The following UNC5A variants were observed in gnomAD, a reference collection of about 807,000 sequenced individuals.
UNC5A encodes unc-5 netrin receptor A, also known as netrin receptor UNC5A.
In UNC5A, 20 loss-of-function variants were observed where a neutral mutation model predicts 87.4. The observed-to-expected ratio is 0.23, with a 90% CI of 0.16 to 0.33. The LOEUF is 0.33. UNC5A is among the 10% of genes least tolerant of loss of function. UNC5A has a pLI of 1.00. For missense variants in UNC5A, 844 were observed against 1,133.4 expected, an observed-to-expected ratio of 0.74 and a Z score of 3.67; for synonymous variants, 438 against 482.3, an observed-to-expected ratio of 0.91 and a Z score of 1.20.
At position 176,878,252 on chromosome 5, in the gene UNC5A, G is replaced by A. The variant is rs199996459; in HGVS notation, c.1878G>A (p.Val626=). The A allele has an allele frequency of 2.3e-5, 37 of 1,611,590 alleles. No homozygotes were observed. Among genetic ancestry groups the A allele is most frequent in the East Asian group, 8.9e-5 (4 of 44,882 alleles). The change falls in exon 12 of 15, where the codon GTG becomes GTA. Residue 626 remains valine, a synonymous_variant. Transcript: ENST00000329542. Reference sequence around the variant, plus strand: ...CACCTGGGGCACTGCAGGAGGTGGTGCAGCTGGAGAAGCAGCTGGGGGGAC... The same window carrying A: ...CACCTGGGGCACTGCAGGAGGTGGTACAGCTGGAGAAGCAGCTGGGGGGAC... ...HDTHDALKEV[V]QLEKQLGGQL...
rs1265751117 is a variant in UNC5A at position 176,879,833 on chromosome 5, G to A, written c.2476G>A (p.Gly826Arg). ...NLSQLAAAVAGLGQPDAGLFT... is the reference protein window; with the variant it reads ...NLSQLAAAVARLGQPDAGLFT... Reference sequence around the variant, plus strand: ...CAGCCAGCTGGCTGCAGCAGTGGCTGGACTGGGCCAGCCAGACGCTGGCCT... The same window carrying A: ...CAGCCAGCTGGCTGCAGCAGTGGCTAGACTGGGCCAGCCAGACGCTGGCCT... Residue 826 changes from glycine (G) to arginine (R), a missense_variant, in exon 15 of 15, where the codon GGA becomes AGA. Around this residue, in one of 3 missense-constraint regions of UNC5A, gnomAD observed 177 missense variants for 279.4 expected, o/e 0.63. Coordinates refer to ENST00000329542, the MANE Select transcript of UNC5A (RefSeq NM_133369.3). 3 of 1,612,628 alleles carry A rather than the reference G, an allele frequency of 1.9e-6. No individual in the cohort carries two copies. Among genetic ancestry groups the A allele is most frequent in the African/African-American group, 2.7e-5 (2 of 75,032 alleles).
chr5:176,812,374 A>G (rs750944752), intron 1 of UNC5A, among the ~76,000 whole-genome samples: 20 of 152,188 alleles, frequency 1.3e-4, no homozygotes, highest in Non-Finnish European at 2.1e-4. Flanking sequence ...TCATAGCTGC[A>G]TGTCGCCCAC....
rs538892198 is a variant in UNC5A, at chr5:176,824,721, G to A, written c.70+13901G>A. On this transcript the variant is annotated intron_variant, in intron 1 of 14. Coordinates refer to ENST00000329542, the MANE Select transcript of UNC5A (RefSeq NM_133369.3). This position sits in a 1 kb window ranked among gnomAD's most constrained non-coding sequence, Gnocchi z 4.2. The stretch of plus-strand genomic sequence containing the variant: ...GCAGATGAACACCCCCTACTGCTAG[G>A]TGCCTCCATGCCCATGCACCCCCAG... Among the ~76,000 whole-genome samples the A allele has an allele frequency of 6.6e-6, 1 of 151,104 alleles. No homozygotes were observed. The highest frequency in any genetic ancestry group is 2.4e-5 in the African/African-American group (1 of 41,102).
intron 1 of UNC5A, among the ~76,000 whole-genome samples, chr5:176,834,822 T>A (rs1757113086): frequency 6.6e-6 from 1 of 152,182 alleles, no homozygotes; most frequent in East Asian, 1.9e-4. Flanking sequence ...TGTCTCCTGG[T>A]GCTAGGAGAT....
At position 176,877,974 on chromosome 5, in the gene UNC5A, C is replaced by T. The variant is rs375613382; in HGVS notation, c.1716C>T (p.Thr572=). 4.4e-5 allele frequency: 70 copies of T among 1,605,000 alleles called. No individual in the cohort carries two copies. The highest frequency in any genetic ancestry group is 9.3e-5 in the African/African-American group (7 of 74,926). The change falls in exon 11 of 15, where the codon ACC becomes ACT. Residue 572 remains threonine, a synonymous_variant. Coordinates refer to ENST00000329542, the MANE Select transcript of UNC5A (RefSeq NM_133369.3). ...QLEASACYVF[T]EQLGRFALVG... The stretch of plus-strand genomic sequence containing the variant: ...AGGCCAGTGCCTGCTACGTCTTCAC[C>T]GAGCAGCTGGGCCGCTTTGCCCTGG...
rs374986191 is a variant in UNC5A at position 176,879,706 on chromosome 5, C to G, written c.2364-15C>G. On this transcript the variant is annotated splice_polypyrimidine_tract_variant and intron_variant, in intron 14 of 14. Transcript: ENST00000329542. ...GGCCAGGCCAGGCTGCTGACGGCCCCCCTCCCCTCCACAGCCATCTCAGCT... is the reference window on the plus strand; with the variant it reads ...GGCCAGGCCAGGCTGCTGACGGCCCGCCTCCCCTCCACAGCCATCTCAGCT... 60 of 1,610,836 alleles carry G rather than the reference C, an allele frequency of 3.7e-5. No individual in the cohort carries two copies. In the African/African-American group the frequency reaches 7.3e-4, roughly 20 times the overall value.
intron 1 of UNC5A, among the ~76,000 whole-genome samples, chr5:176,819,186 C>G (rs1303367991): frequency 6.6e-6 from 1 of 152,092 alleles, no homozygotes; most frequent in Non-Finnish European, 1.5e-5. Flanking sequence ...TGAGCATTGC[C>G]CCAAGCCTGA....
At chr5:176,854,650 G>A (rs1205474793) in intron 1 of UNC5A, among the ~76,000 whole-genome samples, 1 of 152,228 alleles carries the variant, frequency 6.6e-6, no homozygotes, top group Non-Finnish European at 1.5e-5. Context: ...CTGGCTCCCA[G>A]CCAGATTTGA....
Position 176,869,354 on chromosome 5 carries a change from G to T in UNC5A, c.721+390G>T, listed in dbSNP as rs1030958236. 2.8e-4 allele frequency among the ~76,000 whole-genome samples: 43 copies of T among 152,244 alleles called. No homozygotes were observed. The highest frequency in any genetic ancestry group is 9.6e-4 in the African/African-American group (40 of 41,534). ...TCACCCCAGGAGAGGCTGGGGTCTG[G>T]GCTGCAGGAGTGTGTGAGCCGCGGT... On this transcript the variant is annotated intron_variant, in intron 5 of 14. Coordinates refer to ENST00000329542, the MANE Select transcript of UNC5A (RefSeq NM_133369.3). The surrounding 1 kb of genome is among the most constrained non-coding windows in gnomAD (Gnocchi z 9.1).
At position 176,868,630 on chromosome 5, in the gene UNC5A, C is replaced by T; in HGVS notation, c.506C>T (p.Pro169Leu). 1 of 1,605,744 alleles carries T rather than the reference C, an allele frequency of 6.2e-7. No homozygotes were observed. The highest frequency in any genetic ancestry group is 8.5e-7 in the Non-Finnish European group (1 of 1,176,846). Residue 169 changes from proline (P) to leucine (L), a missense_variant, in exon 4 of 15, where the codon CCC (proline) becomes CTC (leucine). Pro to Leu is a moderately conservative substitution (Grantham distance 98). Around this residue, in one of 3 missense-constraint regions of UNC5A, gnomAD observed 314 missense variants for 466.5 expected, o/e 0.67. Coordinates refer to ENST00000329542, the MANE Select transcript of UNC5A (RefSeq NM_133369.3). ...TCCCTGGAGCAGGGCATCGTGCTGC[C>T]CTGCCGTCCACCGGAGGGCATCCCT... ...EVSLEQGIVL[P>L]CRPPEGIPPA...
intron 1 of UNC5A, among the ~76,000 whole-genome samples, chr5:176,829,945 G>C (rs1756959476): frequency 7.5e-6 from 1 of 133,170 alleles, no homozygotes; most frequent in Non-Finnish European, 1.6e-5. Flanking sequence ...CGTGATCTCG[G>C]CTCACTGCAA....
chr5:176,818,104 C>T (rs902245690), intron 1 of UNC5A, among the ~76,000 whole-genome samples: 1 of 152,198 alleles, frequency 6.6e-6, no homozygotes, highest in Non-Finnish European at 1.5e-5. Flanking sequence ...CCAGCTGCAG[C>T]CCCTGCCCCT....
rs536191345 is a variant in UNC5A at position 176,825,970 on chromosome 5, A to G, written c.70+15150A>G. 2.6e-5 allele frequency among the ~76,000 whole-genome samples: 4 copies of G among 152,372 alleles called. No homozygotes were observed. The East Asian group carries it at 7.7e-4, about 29-fold the overall frequency. ...TGCTGGGTAGCCAGTGAGACAGGAC[A>G]GTCCTGGAAGAGGTGACACTTGAAC... On this transcript the variant is annotated intron_variant, in intron 1 of 14. Transcript: ENST00000329542.
intron 2 of UNC5A, among the ~76,000 whole-genome samples, chr5:176,864,288 C>T (rs1424525908): frequency 1.3e-5 from 2 of 152,158 alleles, no homozygotes; most frequent in Admixed American, 6.5e-5. Flanking sequence ...GGGTATGGAG[C>T]GAGAGCGAAC....
At chr5:176,834,125 G>A (rs552782413) in intron 1 of UNC5A, among the ~76,000 whole-genome samples, 7 of 152,350 alleles carry the variant, frequency 4.6e-5, no homozygotes, top group African/African-American at 1.7e-4. Flanking sequence ...GCGGAGCTGT[G>A]TGTGTGACCT....
At chr5:176,811,502 C>T (rs1756453505) in intron 1 of UNC5A, among the ~76,000 whole-genome samples, 1 of 152,236 alleles carries the variant, frequency 6.6e-6, no homozygotes, top group Non-Finnish European at 1.5e-5. Context: ...CCGCCAGTTT[C>T]CCCTTCTTCC....
At chr5:176,840,083 C>T (rs1757239337) in intron 1 of UNC5A, among the ~76,000 whole-genome samples, 1 of 152,118 alleles carries the variant, frequency 6.6e-6, no homozygotes, top group South Asian at 2.1e-4. Flanking sequence ...TCTTGAACTC[C>T]TGACCTCAAG....
intron 1 of UNC5A, among the ~76,000 whole-genome samples, chr5:176,822,499 C>A (rs911153962): frequency 2.0e-5 from 3 of 152,182 alleles, no homozygotes; most frequent in Non-Finnish European, 4.4e-5. Flanking sequence ...GGAAGGTTGG[C>A]GTGGTGAAGG....
rs1453678137 is a variant in UNC5A, at chr5:176,869,201, G to T, written c.721+237G>T. 6.6e-6 allele frequency among the ~76,000 whole-genome samples: 1 copy of T among 152,166 alleles called. No individual in the cohort carries two copies. Among genetic ancestry groups the T allele is most frequent in the Non-Finnish European group, 1.5e-5 (1 of 68,014 alleles). On this transcript the variant is annotated intron_variant, in intron 5 of 14. Transcript: ENST00000329542. The surrounding 1 kb of genome is among the most constrained non-coding windows in gnomAD (Gnocchi z 9.1). Reference sequence around the variant, plus strand: ...GTGGGCAGCGGGCATTGTGCAGAAGGAGATGAGGGACAGGATGGGAATCTA... The same window carrying T: ...GTGGGCAGCGGGCATTGTGCAGAAGTAGATGAGGGACAGGATGGGAATCTA...
Sources: gnomAD v4.1 joint callset for allele counts (sites outside exome capture counted in the v4.1 genomes callset) on GRCh38, gnomAD v4.1.1 for gene constraint, gnomAD v4.1.1 regional missense constraint, Gnocchi (gnomAD v3.1) non-coding constraint, MANE v1.5 for transcripts, NCBI Gene and HGNC (gene_info 2026-07-23, HGNC 2026-07-21) for gene names.